Variants in DUSP22 observed in about 807,000 individuals in gnomAD.
The protein encoded by DUSP22 is dual specificity phosphatase 22, also known as dual specificity protein phosphatase 22.
In DUSP22, 24 loss-of-function variants were observed where a neutral mutation model predicts 24.5. That is an observed-to-expected ratio of 0.98 (90% CI 0.71 to 1.38). The LOEUF (loss-of-function observed/expected upper bound fraction) is 1.38. Ranked by LOEUF, DUSP22 falls within the 40% of genes most tolerant of loss-of-function variation. The probability of loss-of-function intolerance (pLI) is 0.00; values close to 1 mark genes in which losing one functional copy is unlikely to be tolerated. For missense variants in DUSP22, 330 were observed against 269.2 expected, an observed-to-expected ratio of 1.23 and a Z score of -1.58; for synonymous variants, 160 against 106.4, an observed-to-expected ratio of 1.50 and a Z score of -3.10.
Position 348,810 on chromosome 6 carries a change from G to T in DUSP22, c.477G>T (p.Leu159Phe), listed in dbSNP as rs148581187. The T allele has an allele frequency of 4.9e-4, 784 of 1,613,942 alleles. No homozygotes were observed. In the African/African-American group the frequency reaches 8.3e-3, roughly 17 times the overall value. Reference sequence around the variant, plus strand: ...AGGAAGAATATGGAGAGAGCCCTTTGCAGGATGCAGAAGAAGCCAAAAACA... The same window carrying T: ...AGGAAGAATATGGAGAGAGCCCTTTTCAGGATGCAGAAGAAGCCAAAAACA... ...WLKEEYGESP[L>F]QDAEEAKNIL... The change falls in exon 7 of 7, where the codon TTG (leucine) becomes TTT (phenylalanine). Residue 159 changes from leucine to phenylalanine, a missense_variant. Coordinates refer to ENST00000419235, the MANE Select transcript of DUSP22 (RefSeq NM_001286555.3).
intron 2 of DUSP22, 75 bp from the exon 3 acceptor site, chr6:311,805 T>C: frequency 2.7e-6 from 4 of 1,467,878 alleles, no homozygotes; most frequent in Non-Finnish European, 3.7e-6. Context: ...GGGTTTTTTT[T>C]TTTTTCTGGC....
chr6:293,043 C>CAGAGA (rs1169353200), intron 1 of DUSP22, among the ~76,000 whole-genome samples: 1 of 152,294 alleles, frequency 6.6e-6, no homozygotes, highest in African/African-American at 2.4e-5. Context: ...TTCTTGTGGA[C>CAGAGA]AGAGAAGTTA....
chr6:303,274 T>C (rs1318767304), intron 1 of DUSP22, among the ~76,000 whole-genome samples: 3 of 152,308 alleles, frequency 2.0e-5, no homozygotes, highest in Non-Finnish European at 4.4e-5. Flanking sequence ...AAGTATAGAC[T>C]GTTGTCTCGG....
At chr6:310,454 T>G (rs1048570334) in intron 2 of DUSP22, among the ~76,000 whole-genome samples, 5 of 152,310 alleles carry the variant, frequency 3.3e-5, no homozygotes, top group Admixed American at 2.0e-4. Context: ...GAAGGGAATA[T>G]AATTTTGTTA....
intron 1 of DUSP22, 37 bp downstream of exon 1, chr6:292,597 G>C (rs1400761827): frequency 5.7e-6 from 9 of 1,583,594 alleles, no homozygotes; most frequent in Non-Finnish European, 7.7e-6. Context: ...GTTTGCCTCC[G>C]CTCCGACGCC....
At chr6:299,068 A>C (rs2127389612) in intron 1 of DUSP22, among the ~76,000 whole-genome samples, 1 of 152,426 alleles carries the variant, frequency 6.6e-6, no homozygotes, top group Non-Finnish European at 1.5e-5. Context: ...CAGCAGTTTC[A>C]GAGGCCCACA....
chr6:327,981 C>T (rs1758963420), intron 3 of DUSP22, among the ~76,000 whole-genome samples: 1 of 152,424 alleles, frequency 6.6e-6, no homozygotes, highest in Non-Finnish European at 1.5e-5. Flanking sequence ...CTCTACTTTG[C>T]AGACAGAGAG....
rs1760146182 is a variant in DUSP22, at chr6:350,519, G to A, written c.*1568G>A. The stretch of plus-strand genomic sequence containing the variant: ...CTGTGCATATAGAGGGTGTGTCAAA[G>A]GTGAGCTTTTTGGGGACCGGGAAAA... On this transcript the variant is annotated 3_prime_UTR_variant, in exon 7 of 7. Coordinates refer to ENST00000419235, the MANE Select transcript of DUSP22 (RefSeq NM_001286555.3). 1 of 1,318,610 alleles carries A rather than the reference G, an allele frequency of 7.6e-7. No homozygotes were observed. Among genetic ancestry groups the A allele is most frequent in the Non-Finnish European group, 9.7e-7 (1 of 1,032,220 alleles). 81.7% of individuals were successfully genotyped at this position (1,318,610 alleles called of 1,614,324 possible).
At chr6:313,948 A>G (rs1380301671) in intron 3 of DUSP22, among the ~76,000 whole-genome samples, 1 of 152,304 alleles carries the variant, frequency 6.6e-6, no homozygotes, top group Non-Finnish European at 1.5e-5. Flanking sequence ...CTGGGGCACA[A>G]AGGCAGTCTT....
At position 349,252 on chromosome 6, in the gene DUSP22, TG is replaced by T; in HGVS notation, c.*302del. The T allele has an allele frequency of 1.5e-6, 2 of 1,338,560 alleles. No individual in the cohort carries two copies. The highest frequency in any genetic ancestry group is 1.9e-6 in the Non-Finnish European group (2 of 1,040,774). The allele number at this position is 1,338,560 out of a possible 1,614,324, so 82.9% of individuals were successfully genotyped here. The stretch of plus-strand genomic sequence containing the variant: ...GTGTGTGGGTGACTAAGTGGATGCA[TG>T]TGTGTGCCTGTGTGAGTGAGGGTAT... On this transcript the variant is annotated 3_prime_UTR_variant, in exon 7 of 7. Transcript: ENST00000419235.
intron 4 of DUSP22, among the ~76,000 whole-genome samples, chr6:344,403 G>A (rs565673536): frequency 1.4e-4 from 21 of 152,360 alleles, no homozygotes; most frequent in Middle Eastern, 3.4e-3. Flanking sequence ...CTCCCACCTC[G>A]GCCTCCCAAG....
chr6:348,418 C>T (rs952327154), intron 6 of DUSP22, 144 bp downstream of exon 6: 4 of 1,357,706 alleles, frequency 2.9e-6, no homozygotes, highest in Non-Finnish European at 3.0e-6. Flanking sequence ...CCAGCTGCAC[C>T]CCTTCAGAAG....
chr6:308,984 G>A (rs1298270875), intron 2 of DUSP22, among the ~76,000 whole-genome samples: 1 of 152,310 alleles, frequency 6.6e-6, no homozygotes, highest in East Asian at 1.9e-4. Flanking sequence ...TGAAGCTGTG[G>A]CTTTGTCTGT....
chr6:326,149 C>T (rs1172555716), intron 3 of DUSP22: 1 of 237,946 alleles, frequency 4.2e-6, no homozygotes, highest in African/African-American at 2.5e-5. Context: ...CCCTCGGCTT[C>T]TGTGTCCTGG....
chr6:348,816 T>A lies in DUSP22; in HGVS notation c.483T>A (p.Asp161Glu), dbSNP rs753022752. 8 of 1,614,198 alleles carry A rather than the reference T, an allele frequency of 5.0e-6. No individual in the cohort carries two copies. Among genetic ancestry groups the A allele is most frequent in the Non-Finnish European group, 5.9e-6 (7 of 1,180,070 alleles). ...KEEYGESPLQ[D>E]AEEAKNILGK... ...AATATGGAGAGAGCCCTTTGCAGGA[T>A]GCAGAAGAAGCCAAAAACATTCTGG... The change falls in exon 7 of 7, where the codon GAT becomes GAA. Residue 161 changes from aspartate (D) to glutamate (E), a missense_variant. Asp to Glu is a conservative substitution (Grantham distance 45). Coordinates refer to ENST00000419235, the MANE Select transcript of DUSP22 (RefSeq NM_001286555.3).
At chr6:301,785 G>T (rs1757592064) in intron 1 of DUSP22, among the ~76,000 whole-genome samples, 2 of 152,302 alleles carry the variant, frequency 1.3e-5, no homozygotes, top group Admixed American at 1.3e-4. Context: ...GACAACGGTG[G>T]TGGGAAAACA....
intron 3 of DUSP22, 47 bp downstream of exon 3, chr6:312,009 C>G (rs200176387): frequency 6.3e-7 from 1 of 1,579,184 alleles, no homozygotes; most frequent in African/African-American, 1.4e-5. Flanking sequence ...ATTTGTATTC[C>G]GTGGGAGTAC....
chr6:327,092 G>A (rs936530091), intron 3 of DUSP22, among the ~76,000 whole-genome samples: 6 of 152,420 alleles, frequency 3.9e-5, no homozygotes, highest in South Asian at 2.1e-4. Flanking sequence ...GCTGTGCCCC[G>A]TGAACATGGG....
chr6:315,027 G>T (rs1351393784), intron 3 of DUSP22, among the ~76,000 whole-genome samples: 1 of 152,312 alleles, frequency 6.6e-6, no homozygotes, highest in East Asian at 1.9e-4. Flanking sequence ...TCTGGTCAGG[G>T]AGTGGCTGGG....
Sources: gnomAD v4.1 joint callset for allele counts (sites outside exome capture counted in the v4.1 genomes callset) on GRCh38, gnomAD v4.1.1 for gene constraint, MANE v1.5 for transcripts, NCBI Gene and HGNC (gene_info 2026-07-23, HGNC 2026-07-21) for gene names.